The following DPH6 variants were observed in gnomAD, a reference collection of about 807,000 sequenced individuals.
The protein encoded by DPH6 is diphthine--ammonia ligase.
In DPH6, 33 loss-of-function variants were observed where a neutral mutation model predicts 38.2. The ratio of observed to expected loss-of-function variants is 0.86; its 90% confidence interval spans 0.65 to 1.15. The LOEUF is 1.15. Ranked by LOEUF, DPH6 falls within the 50% of genes most tolerant of loss-of-function variation. DPH6 has a pLI of 0.00. For missense variants in DPH6, 325 were observed against 320.0 expected, an observed-to-expected ratio of 1.02 and a Z score of -0.12; for synonymous variants, 108 against 103.0, an observed-to-expected ratio of 1.05 and a Z score of -0.30.
the DPH6 span, among the ~76,000 whole-genome samples, chr15:35,191,734 C>T: frequency 6.6e-6 from 1 of 152,182 alleles, no homozygotes; most frequent in Non-Finnish European, 1.5e-5. Context: ...GAGTTCCTTC[C>T]TGAGAAAAAC....
At chr15:35,149,027 C>CT in the DPH6 span, among the ~76,000 whole-genome samples, 327 of 152,244 alleles carry the variant, frequency 2.1e-3, 1 homozygote, top group Non-Finnish European at 3.9e-3. Context: ...CTGAATCCTG[C>CT]TCAGGGAATA....
chr15:35,546,003 G>A (rs867473055), intron 1 of DPH6, 116 bp downstream of exon 1: 5 of 982,704 alleles, frequency 5.1e-6, no homozygotes, highest in African/African-American at 3.4e-5. Context: ...CGGAGGAGCC[G>A]CGGAACCCCC....
At chr15:35,189,052 A>ACCAC in the DPH6 span, among the ~76,000 whole-genome samples, 3 of 152,218 alleles carry the variant, frequency 2.0e-5, no homozygotes, top group African/African-American at 7.2e-5. Flanking sequence ...TAGGAAGTGA[A>ACCAC]CGGTGATGCT....
Position 35,260,950 on chromosome 15 carries a change from T to C in DPH6, n.201-40368A>G, listed in dbSNP as rs1311718455. On this transcript the variant is annotated intron_variant and non_coding_transcript_variant, in intron 3 of 3. Coordinates refer to the DPH6 transcript ENST00000560386. ...GAAGAACTCTAAGTCTTTCCATTTATTTTATGTATTCTTCATCACATTTTA... is the reference window on the plus strand; with the variant it reads ...GAAGAACTCTAAGTCTTTCCATTTACTTTATGTATTCTTCATCACATTTTA... Among the ~76,000 whole-genome samples, 6 of 152,332 alleles carry C rather than the reference T, an allele frequency of 3.9e-5. No individual in the cohort carries two copies. The East Asian group carries it at 1.2e-3, about 29-fold the overall frequency.
chr15:35,243,893 C>G (rs926796842), intron 3 of DPH6, among the ~76,000 whole-genome samples: 1 of 152,130 alleles, frequency 6.6e-6, no homozygotes, highest in African/African-American at 2.4e-5. Flanking sequence ...TTTGCCTTAC[C>G]AGTGTATAAG....
intron 3 of DPH6, among the ~76,000 whole-genome samples, chr15:35,359,072 G>C (rs2140903888): frequency 6.6e-6 from 1 of 152,180 alleles, no homozygotes; most frequent in African/African-American, 2.4e-5. Context: ...TGCTGTTGGG[G>C]ATGGGGGTGA....
At chr15:35,322,631 T>C (rs1315103591) in intron 3 of DPH6, among the ~76,000 whole-genome samples, 1 of 152,200 alleles carries the variant, frequency 6.6e-6, no homozygotes, top group African/African-American at 2.4e-5. Flanking sequence ...CCTGACAGCA[T>C]CTAACAAGTT....
At chr15:35,291,530 A>T (rs2051980379) in intron 3 of DPH6, among the ~76,000 whole-genome samples, 1 of 152,132 alleles carries the variant, frequency 6.6e-6, no homozygotes, top group Admixed American at 6.5e-5. Flanking sequence ...GTTATTTGTT[A>T]ATTTTTGGCT....
chr15:35,214,019 G>A (rs2051400670), downstream of DPH6, among the ~76,000 whole-genome samples: 1 of 152,088 alleles, frequency 6.6e-6, no homozygotes, highest in Non-Finnish European at 1.5e-5. Context: ...GGCTGAGGCA[G>A]GAGAATGGCG....
the DPH6 span, among the ~76,000 whole-genome samples, chr15:35,154,783 A>G: frequency 6.6e-6 from 1 of 152,164 alleles, no homozygotes; most frequent in East Asian, 1.9e-4. Context: ...CCTTAACACT[A>G]TCAAACCTCT....
intron 3 of DPH6, among the ~76,000 whole-genome samples, chr15:35,353,208 A>G (rs564091176): frequency 2.5e-4 from 38 of 151,944 alleles, no homozygotes; most frequent in African/African-American, 8.2e-4. Context: ...GATTGCAAAA[A>G]TTTTCTCCCA....
the DPH6 span, among the ~76,000 whole-genome samples, chr15:35,209,043 G>A: frequency 2.0e-5 from 3 of 152,068 alleles, no homozygotes; most frequent in Non-Finnish European, 4.4e-5. Context: ...TTTCTTAATA[G>A]TTTTCATGCT....
At chr15:35,406,245 G>C (rs1238948896) in intron 6 of DPH6, among the ~76,000 whole-genome samples, 1 of 151,896 alleles carries the variant, frequency 6.6e-6, no homozygotes, top group Non-Finnish European at 1.5e-5. Flanking sequence ...GAGGTAGGAG[G>C]AGATATTCAC....
intron 3 of DPH6, among the ~76,000 whole-genome samples, chr15:35,252,491 AT>A (rs1352677489): frequency 6.6e-6 from 1 of 152,248 alleles, no homozygotes; most frequent in Non-Finnish European, 1.5e-5. Flanking sequence ...TTAAGGGCAC[AT>A]TTGCCCTGAT....
chr15:35,155,405 A>C, the DPH6 span, among the ~76,000 whole-genome samples: 2 of 152,216 alleles, frequency 1.3e-5, no homozygotes, highest in Non-Finnish European at 2.9e-5. Context: ...TCTCCATTTT[A>C]TAGAGAAGCA....
At chr15:35,274,472 C>G (rs62004397) in intron 3 of DPH6, among the ~76,000 whole-genome samples, 13,296 of 151,758 alleles carry the variant, frequency 0.088, 722 homozygotes, top group African/African-American at 0.15. Flanking sequence ...TAAAGAATGG[C>G]AGAAAATTTT....
chr15:35,170,428 C>G, the DPH6 span, among the ~76,000 whole-genome samples: 2 of 152,128 alleles, frequency 1.3e-5, no homozygotes, highest in Non-Finnish European at 2.9e-5. Flanking sequence ...TGGAGCTTCC[C>G]TCTGAGTCAG....
chr15:35,392,804 A>C (rs745498801), intron 6 of DPH6, among the ~76,000 whole-genome samples: 5 of 152,242 alleles, frequency 3.3e-5, no homozygotes, highest in Non-Finnish European at 5.9e-5. Flanking sequence ...TGAGTTCTAA[A>C]GGATTAAGTT....
chr15:35,281,639 C>T (rs2051900193), intron 3 of DPH6, among the ~76,000 whole-genome samples: 1 of 152,186 alleles, frequency 6.6e-6, no homozygotes, highest in Non-Finnish European at 1.5e-5. Context: ...GCTATCATCT[C>T]TTTTAGCAAG....
Sources: gnomAD v4.1 joint callset for allele counts (sites outside exome capture counted in the v4.1 genomes callset) on GRCh38, gnomAD v4.1.1 for gene constraint, MANE v1.5 for transcripts, NCBI Gene and HGNC (gene_info 2026-07-23, HGNC 2026-07-21) for gene names.